Variants in ERICH3 observed in about 807,000 individuals in gnomAD.
ERICH3 encodes glutamate-rich protein 3.
ERICH3 carries 126 observed loss-of-function variants against 131.1 expected under a neutral mutation model. The observed-to-expected ratio is 0.96, with a 90% CI of 0.83 to 1.11. The LOEUF (loss-of-function observed/expected upper bound fraction) is 1.11. Among genes scored for constraint, ERICH3 ranks in the 50% most tolerant of loss-of-function variants. The pLI is 0.00. For missense variants in ERICH3, 2,050 were observed against 1,810.7 expected, an observed-to-expected ratio of 1.13 and a Z score of -2.40; for synonymous variants, 695 against 644.6, an observed-to-expected ratio of 1.08 and a Z score of -1.18.
intron 6 of ERICH3, among the ~76,000 whole-genome samples, chr1:74,632,968 G>A (rs1231067860): frequency 6.6e-6 from 1 of 151,778 alleles, no homozygotes; most frequent in Non-Finnish European, 1.5e-5. Context: ...TAATTTTTGG[G>A]TATCTGAGGT....
At position 74,673,790 on chromosome 1, in the gene ERICH3, A is replaced by G. The variant is rs918862805; in HGVS notation, c.-271T>C. On this transcript the variant is annotated 5_prime_UTR_variant, in exon 1 of 15. Coordinates refer to ENST00000326665, the MANE Select transcript of ERICH3 (RefSeq NM_001002912.5). The stretch of plus-strand genomic sequence containing the variant: ...CAGGGTCTGGAGAAGCGGAGGCGCT[A>G]CTGGAACCGAGCCTGCGGAAGCTGG... 2 of 376,140 alleles carry G rather than the reference A, an allele frequency of 5.3e-6. No individual in the cohort carries two copies. The highest frequency in any genetic ancestry group is 9.3e-6 in the Non-Finnish European group (2 of 214,212). The allele number at this position is 376,140 out of a possible 1,614,324, so 23.3% of individuals were successfully genotyped here. A position where few individuals can be genotyped will look rare whatever the true frequency, so the allele number is the denominator to read the frequency against.
At chr1:74,595,941 C>T (rs560996187) in intron 11 of ERICH3, among the ~76,000 whole-genome samples, 1 of 152,092 alleles carries the variant, frequency 6.6e-6, no homozygotes, top group Non-Finnish European at 1.5e-5. Context: ...CTTCTCTGAT[C>T]CAAGAAGCAG....
At chr1:74,661,159 G>C (rs1646638124) in intron 1 of ERICH3, among the ~76,000 whole-genome samples, 1 of 152,108 alleles carries the variant, frequency 6.6e-6, no homozygotes, top group South Asian at 2.1e-4. Context: ...GCAGTAGTAA[G>C]ATTTAAAATG....
chr1:74,649,608 C>A (rs1646515105), intron 1 of ERICH3, among the ~76,000 whole-genome samples: 1 of 152,052 alleles, frequency 6.6e-6, no homozygotes, highest in African/African-American at 2.4e-5. Context: ...AAAGTCATGG[C>A]AGCACAGAGA....
At chr1:74,656,192 T>C (rs551420912) in intron 1 of ERICH3, among the ~76,000 whole-genome samples, 77 of 152,216 alleles carry the variant, frequency 5.1e-4, no homozygotes, top group African/African-American at 1.8e-3. Context: ...ATAATCTCCA[T>C]ATACCCAGGC....
At chr1:74,634,947 G>C in intron 6 of ERICH3, 1 of 382,062 alleles carries the variant, frequency 2.6e-6, no homozygotes, top group Non-Finnish European at 4.6e-6. Flanking sequence ...TTGTGATTTG[G>C]CTTCTCATAT....
intron 9 of ERICH3, among the ~76,000 whole-genome samples, chr1:74,610,299 ATAAATT>A: frequency 6.6e-6 from 1 of 151,340 alleles, no homozygotes; most frequent in African/African-American, 2.4e-5. Context: ...TCCTCAGTTG[ATAAATT>A]TATGTATTGT....
chr1:74,572,356 G>T lies in ERICH3; in HGVS notation c.3354C>A (p.Pro1118=). The T allele has an allele frequency of 6.2e-7, 1 of 1,613,656 alleles. No homozygotes were observed. ...CAGCATCAGATCCCATTTCATTTGG[G>T]GGAGCTTTTGTCTCTTCCTCAGCTC... The part of the protein sequence containing the change: ...EVRAEEETKA[P]PNEMGSDAEN... Residue 1118 remains proline (P), a synonymous_variant, in exon 14 of 15, where the codon CCC becomes CCA. Transcript: ENST00000326665.
chr1:74,644,713 T>C (rs548843314), intron 3 of ERICH3, among the ~76,000 whole-genome samples: 1 of 152,222 alleles, frequency 6.6e-6, no homozygotes, highest in South Asian at 2.1e-4. Context: ...GCTATTAGCC[T>C]ACACCCTTTG....
In ERICH3 at chr1:74,573,471, C is replaced by G; in HGVS notation, c.2239G>C (p.Val747Leu). Residue 747 changes from valine (V) to leucine (L), a missense_variant, in exon 14 of 15, where the codon GTG (valine) becomes CTG (leucine). Transcript: ENST00000326665. ...ALGAPTMNFMVDETAAINSNK... is the reference protein window; with the variant it reads ...ALGAPTMNFMLDETAAINSNK... ...GAGTTGATTGCTGCTGTTTCATCCA[C>G]CATGAAATTCATTGTTGGTGCTATA... 6.6e-7 allele frequency: 1 copy of G among 1,516,748 alleles called. No individual in the cohort carries two copies. Among genetic ancestry groups the G allele is most frequent in the African/African-American group, 1.4e-5 (1 of 71,122 alleles). The allele number at this position is 1,516,748 out of a possible 1,614,324, so 94.0% of individuals were successfully genotyped here.
chr1:74,642,724 A>G (rs1646447274), intron 4 of ERICH3, among the ~76,000 whole-genome samples: 1 of 152,118 alleles, frequency 6.6e-6, no homozygotes, highest in Non-Finnish European at 1.5e-5. Flanking sequence ...TTAAGACACA[A>G]ACAAAAATCC....
intron 1 of ERICH3, among the ~76,000 whole-genome samples, chr1:74,659,897 T>C (rs17095717): frequency 0.028 from 4,189 of 152,220 alleles, 182 homozygotes; most frequent in African/African-American, 0.096. Context: ...AGGGAAATCA[T>C]ACACAAAGTC....
chr1:74,603,766 C>T (rs1266709807), intron 10 of ERICH3, among the ~76,000 whole-genome samples: 1 of 151,782 alleles, frequency 6.6e-6, no homozygotes, highest in African/African-American at 2.4e-5. Flanking sequence ...ATGTATACAC[C>T]TTAACTAAAA....
chr1:74,605,752 T>A (rs955774657), intron 10 of ERICH3, among the ~76,000 whole-genome samples: 1 of 151,506 alleles, frequency 6.6e-6, no homozygotes, highest in Admixed American at 6.6e-5. Flanking sequence ...ACAACACAGA[T>A]CACTGATCAC....
In ERICH3 at chr1:74,631,867, T is replaced by C. The variant is rs1425991500; in HGVS notation, c.665A>G (p.Tyr222Cys). ...GTAACTGTTAATGTTTGGAAGTTGA[T>C]ATGAATTCATTCTCTGTGAATTGCC... Reference protein sequence around the residue: ...SIGNSQRMNSYQLPNINSYMM... With the variant: ...SIGNSQRMNSCQLPNINSYMM... The change falls in exon 7 of 15, where the codon TAT (tyrosine) becomes TGT (cysteine). Residue 222 changes from tyrosine (Y) to cysteine (C), a missense_variant. Physicochemically the swap from Tyr to Cys is radical, Grantham distance 194. Coordinates refer to ENST00000326665, the MANE Select transcript of ERICH3 (RefSeq NM_001002912.5). 2 of 1,613,416 alleles carry C rather than the reference T, an allele frequency of 1.2e-6. No individual in the cohort carries two copies. Among genetic ancestry groups the C allele is most frequent in the African/African-American group, 1.3e-5 (1 of 74,902 alleles).
intron 1 of ERICH3, among the ~76,000 whole-genome samples, chr1:74,661,308 G>C (rs1031451196): frequency 6.6e-6 from 1 of 152,124 alleles, no homozygotes; most frequent in African/African-American, 2.4e-5. Flanking sequence ...TCATGAGTTT[G>C]TCTTGAATTC....
Position 74,571,252 on chromosome 1 carries a change from C to G in ERICH3, c.4458G>C (p.Leu1486Phe), listed in dbSNP as rs762394658. The stretch of plus-strand genomic sequence containing the variant: ...CCATCGCCTGTAGACTCTCCGGACT[C>G]AATTCCCTCTCTCCCTCCCGTGATA... ...LGLSREGERE[L>F]SPESLQAMAT... is the part of the protein sequence containing the mutation. The change falls in exon 14 of 15, where the codon TTG (leucine) becomes TTC (phenylalanine). Residue 1486 changes from leucine to phenylalanine, a missense_variant. By Grantham distance (22) the Leu-to-Phe change is conservative. Transcript: ENST00000326665. The G allele has an allele frequency of 2.5e-6, 4 of 1,614,086 alleles. No individual in the cohort carries two copies.
In ERICH3 at chr1:74,620,914, C is replaced by A; in HGVS notation, c.820G>T (p.Asp274Tyr). ...GATGTTTTATGAATCCTTCTTGAAT[C>A]CTGAAATAAACAGAAAAATGAGGCT... is the stretch of plus-strand genomic sequence containing the variant. ...PNGLEPLLTK[D>Y]SRRIHKTSLH... Residue 274 changes from aspartate (D) to tyrosine (Y), a missense_variant and splice_region_variant, in exon 8 of 15, where the codon GAT (aspartate) becomes TAT (tyrosine). Coordinates refer to ENST00000326665, the MANE Select transcript of ERICH3 (RefSeq NM_001002912.5). 6.4e-7 allele frequency: 1 copy of A among 1,570,854 alleles called. No individual in the cohort carries two copies. Among genetic ancestry groups the A allele is most frequent in the South Asian group, 1.2e-5 (1 of 83,152 alleles).
chr1:74,668,260 G>T (rs1453459275), intron 1 of ERICH3, among the ~76,000 whole-genome samples: 1 of 152,080 alleles, frequency 6.6e-6, no homozygotes, highest in Non-Finnish European at 1.5e-5. Context: ...CAGTCATGTT[G>T]ATTTCCACCT....
Sources: gnomAD v4.1 joint callset for allele counts (sites outside exome capture counted in the v4.1 genomes callset) on GRCh38, gnomAD v4.1.1 for gene constraint, MANE v1.5 for transcripts, NCBI Gene and HGNC (gene_info 2026-07-23, HGNC 2026-07-21) for gene names.